Variants in MYO16 observed in about 807,000 individuals in gnomAD.
MYO16 encodes the protein myosin XVI, also known as unconventional myosin-XVI.
In MYO16, 94 loss-of-function variants were observed where a neutral mutation model predicts 205.3. The observed-to-expected ratio is 0.46, with a 90% CI of 0.39 to 0.54. MYO16 has a LOEUF of 0.54. Ranked by LOEUF, MYO16 falls within the 20% of genes least tolerant of loss-of-function variation. The pLI, the probability that MYO16 is intolerant of heterozygous loss-of-function variation, is 0.00. For missense variants in MYO16, 2,315 were observed against 2,387.5 expected, an observed-to-expected ratio of 0.97 and a Z score of 0.63; for synonymous variants, 988 against 954.0, an observed-to-expected ratio of 1.04 and a Z score of -0.66.
At chr13:108,653,399 C>T (rs1311977134) in intron 1 of MYO16, among the ~76,000 whole-genome samples, 1 of 152,052 alleles carries the variant, frequency 6.6e-6, no homozygotes, top group East Asian at 1.9e-4. Flanking sequence ...GATGTAGTCT[C>T]ATTCGTCTAT....
At chr13:109,037,494 C>T (rs1886753884) in intron 23 of MYO16, among the ~76,000 whole-genome samples, 1 of 152,088 alleles carries the variant, frequency 6.6e-6, no homozygotes, top group Non-Finnish European at 1.5e-5. Context: ...TAGGTAATGC[C>T]ATGAGTCCTT....
chr13:109,080,467 A>C (rs1432923848), intron 27 of MYO16, among the ~76,000 whole-genome samples: 1 of 152,064 alleles, frequency 6.6e-6, no homozygotes, highest in African/African-American at 2.4e-5. Context: ...GATGACTTTT[A>C]TTCTTTTTCT....
intron 28 of MYO16, among the ~76,000 whole-genome samples, chr13:109,119,220 A>T (rs1473037445): frequency 6.6e-6 from 1 of 152,178 alleles, no homozygotes; most frequent in Non-Finnish European, 1.5e-5. Context: ...GTACCTGATG[A>T]TGTGTACACA....
At chr13:108,778,226 C>T (rs1174787510) in intron 4 of MYO16, among the ~76,000 whole-genome samples, 3 of 152,280 alleles carry the variant, frequency 2.0e-5, no homozygotes, top group African/African-American at 4.8e-5. Context: ...GTGAAGTCAT[C>T]ACAGTTTTTC....
chr13:109,173,958 ACT>A (rs1231733947), intron 33 of MYO16, among the ~76,000 whole-genome samples: 1 of 119,586 alleles, frequency 8.4e-6, no homozygotes, highest in Non-Finnish European at 1.7e-5. Context: ...GGGGGGGGGT[ACT>A]CTCTGCTGTT....
At chr13:108,833,484 A>G (rs973983245) in intron 9 of MYO16, among the ~76,000 whole-genome samples, 3 of 152,182 alleles carry the variant, frequency 2.0e-5, no homozygotes, top group Non-Finnish European at 4.4e-5. Flanking sequence ...AATTATTTTA[A>G]GCACCAAAAT....
At chr13:108,767,778 G>T (rs560464995) in intron 4 of MYO16, among the ~76,000 whole-genome samples, 1 of 152,108 alleles carries the variant, frequency 6.6e-6, no homozygotes, top group South Asian at 2.1e-4. Context: ...ATGTTTTTCA[G>T]AATATGAATT....
chr13:108,825,993 T>C (rs888644623), intron 9 of MYO16, among the ~76,000 whole-genome samples: 2 of 152,104 alleles, frequency 1.3e-5, no homozygotes, highest in South Asian at 4.1e-4. Context: ...AAATATTAAA[T>C]TCATGGATTA....
chr13:109,183,586 C>G (rs943823993), intron 34 of MYO16, among the ~76,000 whole-genome samples: 4 of 152,174 alleles, frequency 2.6e-5, no homozygotes, highest in African/African-American at 9.6e-5. Context: ...TTTCTTCATG[C>G]CTTATTCTTC....
chr13:108,578,369 A>G, the MYO16 span, among the ~76,000 whole-genome samples: 1 of 152,358 alleles, frequency 6.6e-6, no homozygotes, highest in South Asian at 2.1e-4. Flanking sequence ...ATTGCAATCC[A>G]TTTCACAGTT....
At chr13:108,948,975 T>C (rs2139334194) in intron 16 of MYO16, among the ~76,000 whole-genome samples, 1 of 152,364 alleles carries the variant, frequency 6.6e-6, no homozygotes, top group Middle Eastern at 3.4e-3. Context: ...CTCTTTGTTG[T>C]CAGGACAATA....
chr13:108,661,779 T>C (rs2139424890), intron 1 of MYO16, among the ~76,000 whole-genome samples: 1 of 152,292 alleles, frequency 6.6e-6, no homozygotes, highest in Non-Finnish European at 1.5e-5. Flanking sequence ...TGATTTCTTT[T>C]TCAGGTAAAT....
At chr13:108,653,935 C>G (rs1881126744) in intron 1 of MYO16, among the ~76,000 whole-genome samples, 1 of 152,092 alleles carries the variant, frequency 6.6e-6, no homozygotes, top group Non-Finnish European at 1.5e-5. Flanking sequence ...GGGCATAGAA[C>G]AGAAAAGAGC....
intron 4 of MYO16, among the ~76,000 whole-genome samples, chr13:108,783,923 A>G (rs965132368): frequency 6.6e-6 from 1 of 152,192 alleles, no homozygotes; most frequent in African/African-American, 2.4e-5. Context: ...CAGCAGTGTG[A>G]AAATGAACCA....
chr13:108,761,018 T>G (rs1367709), intron 4 of MYO16, among the ~76,000 whole-genome samples: 83,831 of 152,146 alleles, frequency 0.55, 23,333 homozygotes, highest in East Asian at 0.63. Context: ...TTCTTTTTTG[T>G]GGTTGAATAA....
chr13:108,658,339 C>G (rs1321613783), intron 1 of MYO16, among the ~76,000 whole-genome samples: 1 of 151,700 alleles, frequency 6.6e-6, no homozygotes, highest in Non-Finnish European at 1.5e-5. Context: ...TTTCTCACGT[C>G]TTTCTTCACC....
rs568870367 is a variant in MYO16 at position 109,162,691 on chromosome 13, G to T, written c.5165-2210G>T. Among the ~76,000 whole-genome samples the T allele has an allele frequency of 3.4e-4, 52 of 152,168 alleles. No homozygotes were observed. The South Asian group carries it at 9.3e-3, about 27-fold the overall frequency. On this transcript the variant is annotated intron_variant, in intron 32 of 34. Transcript: ENST00000457511. The surrounding 1 kb of genome is among the most constrained non-coding windows in gnomAD (Gnocchi z 4.6). ...CAGTGGTATTCATTATGTATCTCCC[G>T]CACTCAGTGAGTATCTGGCACATAG...
intron 4 of MYO16, among the ~76,000 whole-genome samples, chr13:108,729,031 T>G (rs745775999): frequency 6.6e-6 from 1 of 152,054 alleles, no homozygotes; most frequent in Non-Finnish European, 1.5e-5. Context: ...AAAGTGTATT[T>G]CTTTCAAATT....
At chr13:109,197,987 AG>A (rs768767142) in intron 34 of MYO16, among the ~76,000 whole-genome samples, 13 of 152,170 alleles carry the variant, frequency 8.5e-5, no homozygotes, top group Non-Finnish European at 1.3e-4. Context: ...TGGCTAACCA[AG>A]CCCCTACCAC....
Sources: gnomAD v4.1 joint callset for allele counts (sites outside exome capture counted in the v4.1 genomes callset) on GRCh38, gnomAD v4.1.1 for gene constraint, Gnocchi (gnomAD v3.1) non-coding constraint, MANE v1.5 for transcripts, NCBI Gene and HGNC (gene_info 2026-07-23, HGNC 2026-07-21) for gene names.